Variants in TBX5 observed in about 807,000 individuals in gnomAD.
TBX5 encodes T-box transcription factor 5, also known as T-box transcription factor TBX5.
Under a neutral mutation model 51.1 loss-of-function variants are expected in TBX5, and 8 were observed. The observed-to-expected ratio is 0.16, with a 90% CI of 0.09 to 0.28. The LOEUF is 0.28. TBX5 is among the 10% of genes least tolerant of loss of function. TBX5 has a pLI of 1.00. For missense variants in TBX5, 589 were observed against 671.7 expected, an observed-to-expected ratio of 0.88 and a Z score of 1.36; for synonymous variants, 302 against 266.4, an observed-to-expected ratio of 1.13 and a Z score of -1.30.
At chr12:114,376,650 T>TTA (rs1212424817) in intron 7 of TBX5, among the ~76,000 whole-genome samples, 10 of 149,910 alleles carry the variant, frequency 6.7e-5, no homozygotes, top group South Asian at 4.2e-4. Context: ...TCTTAAATAT[T>TTA]TATATATATA....
intron 5 of TBX5, among the ~76,000 whole-genome samples, chr12:114,397,120 G>C (rs961506841): frequency 2.6e-5 from 4 of 152,132 alleles, no homozygotes; most frequent in African/African-American, 7.2e-5. Flanking sequence ...CAGATTTCTC[G>C]TTTGGACCTT....
At chr12:114,402,010 C>CAGCGGGAAGGAGGAGCAG in intron 2 of TBX5, 90 bp from the exon 3 acceptor site, 2 of 1,126,012 alleles carry the variant, frequency 1.8e-6, no homozygotes, top group Non-Finnish European at 2.7e-6. Flanking sequence ...GAGACTGCTC[C>CAGCGGGAAGGAGGAGCAG]TCCTTCCCGC....
At chr12:114,408,115 C>A (rs748787266), upstream of TBX5, 8 of 985,304 alleles carry the variant, frequency 8.1e-6, no homozygotes, top group Non-Finnish European at 9.6e-6. Flanking sequence ...TCACGAGTCA[C>A]GCAACCGGCC....
chr12:114,395,516 T>G (rs959241930), intron 5 of TBX5, among the ~76,000 whole-genome samples: 4 of 152,090 alleles, frequency 2.6e-5, no homozygotes, highest in African/African-American at 9.7e-5. Flanking sequence ...GAGAAGATAT[T>G]TGGGGGTCAC....
intron 8 of TBX5, 112 bp downstream of exon 8, chr12:114,366,053 A>G (rs772521025): frequency 3.3e-6 from 4 of 1,216,140 alleles, no homozygotes; most frequent in Admixed American, 3.5e-5. Flanking sequence ...TGTTGTTTAC[A>G]TTTTTAAATA....
At chr12:114,386,403 C>T (rs1056539492) in intron 6 of TBX5, among the ~76,000 whole-genome samples, 10 of 152,226 alleles carry the variant, frequency 6.6e-5, no homozygotes, top group Admixed American at 2.0e-4. Context: ...CTAAAAATTG[C>T]GTGTGAACTG....
At chr12:114,362,169 G>A (rs7312625) in intron 8 of TBX5, among the ~76,000 whole-genome samples, 107,342 of 151,920 alleles carry the variant, frequency 0.71, 38,357 homozygotes, top group East Asian at 0.77. Flanking sequence ...TCCTGTTTCA[G>A]ACCCCATGAC....
chr12:114,392,451 G>A (rs569993796), intron 6 of TBX5, among the ~76,000 whole-genome samples: 2 of 152,104 alleles, frequency 1.3e-5, no homozygotes, highest in Admixed American at 6.6e-5. Flanking sequence ...GAGGGAGAGA[G>A]GGAGTGAGTT....
intron 8 of TBX5, among the ~76,000 whole-genome samples, chr12:114,365,308 T>C (rs1357457144): frequency 6.6e-6 from 1 of 151,942 alleles, no homozygotes; most frequent in Non-Finnish European, 1.5e-5. Flanking sequence ...CATCACGGCT[T>C]GTAATACCAT....
At chr12:114,367,122 G>A (rs745515038) in intron 7 of TBX5, among the ~76,000 whole-genome samples, 24 of 151,928 alleles carry the variant, frequency 1.6e-4, no homozygotes, top group African/African-American at 2.9e-4. Flanking sequence ...GGCAACCATC[G>A]TCATTACTGT....
chr12:114,386,085 C>T (rs1274193016), intron 6 of TBX5, among the ~76,000 whole-genome samples: 7 of 152,098 alleles, frequency 4.6e-5, no homozygotes, highest in Admixed American at 1.3e-4. Flanking sequence ...TTGCAGATAG[C>T]GTTTCCTAGT....
chr12:114,383,643 A>G (rs1185231995), intron 7 of TBX5, among the ~76,000 whole-genome samples: 1 of 152,126 alleles, frequency 6.6e-6, no homozygotes, highest in East Asian at 1.9e-4. Context: ...ATTAGTTAGG[A>G]GGCTGGTGGT....
intron 6 of TBX5, among the ~76,000 whole-genome samples, chr12:114,388,698 G>A (rs1450828257): frequency 6.8e-6 from 1 of 147,834 alleles, no homozygotes. Context: ...GTGTGTGTGT[G>A]TGTGTGTGTG....
intron 6 of TBX5, among the ~76,000 whole-genome samples, chr12:114,387,250 T>A (rs1396826412): frequency 6.6e-6 from 1 of 152,256 alleles, no homozygotes; most frequent in Non-Finnish European, 1.5e-5. Context: ...GATAAATGAA[T>A]GTACCCTCTA....
intron 5 of TBX5, among the ~76,000 whole-genome samples, chr12:114,397,585 C>A (rs1449109831): frequency 6.6e-6 from 1 of 152,096 alleles, no homozygotes; most frequent in Non-Finnish European, 1.5e-5. Context: ...GGGGTGATGA[C>A]CCTACTAAGA....
chr12:114,382,886 G>C (rs972957902), intron 7 of TBX5, among the ~76,000 whole-genome samples: 4 of 151,198 alleles, frequency 2.6e-5, no homozygotes, highest in Non-Finnish European at 4.4e-5. Flanking sequence ...GGAGGTGGGA[G>C]GATCATCTGA....
At chr12:114,366,012 GGTTTAAA>G in intron 8 of TBX5, 146 bp downstream of exon 8, 2 of 910,616 alleles carry the variant, frequency 2.2e-6, no homozygotes, top group South Asian at 2.9e-5. Flanking sequence ...TTAGCTGTTT[GGTTTAAA>G]TTTCTTATCT....
At chr12:114,374,574 A>G (rs1027865270) in intron 7 of TBX5, among the ~76,000 whole-genome samples, 4 of 152,188 alleles carry the variant, frequency 2.6e-5, no homozygotes, top group African/African-American at 9.6e-5. Flanking sequence ...AAGTCAGGAC[A>G]TTGATTGCCT....
chr12:114,371,277 C>T (rs1464687253), intron 7 of TBX5, among the ~76,000 whole-genome samples: 4 of 152,010 alleles, frequency 2.6e-5, no homozygotes, highest in Non-Finnish European at 4.4e-5. Context: ...GACCCCCGAC[C>T]CCAACACGAG....
Sources: allele counts gnomAD v4.1 joint callset (sites outside exome capture counted in the v4.1 genomes callset), GRCh38; gene constraint gnomAD v4.1.1; transcripts MANE v1.5; gene names NCBI Gene and HGNC (gene_info 2026-07-23, HGNC 2026-07-21).